ADGRL2: variants seen among roughly 807,000 people sequenced by gnomAD.
ADGRL2 encodes the protein adhesion G protein-coupled receptor L2.
In ADGRL2, 44 loss-of-function variants were observed where a neutral mutation model predicts 157.4. The ratio of observed to expected loss-of-function variants is 0.28; its 90% confidence interval spans 0.22 to 0.36. The LOEUF (loss-of-function observed/expected upper bound fraction) is 0.36. Ranked by LOEUF, ADGRL2 falls within the 10% of genes least tolerant of loss-of-function variation. The pLI, the probability that ADGRL2 is intolerant of heterozygous loss-of-function variation, is 1.00. For missense variants in ADGRL2, 1,510 were observed against 1,768.9 expected, an observed-to-expected ratio of 0.85 and a Z score of 2.63; for synonymous variants, 585 against 624.7, an observed-to-expected ratio of 0.94 and a Z score of 0.95.
chr1:81,790,832 T>G (rs991611799), intron 2 of ADGRL2, among the ~76,000 whole-genome samples: 1 of 151,978 alleles, frequency 6.6e-6, no homozygotes, highest in Middle Eastern at 3.2e-3. Flanking sequence ...CCATACAAAG[T>G]TGGGAGCCAT....
chr1:81,432,723 G>A (rs888565031), intron 1 of ADGRL2, among the ~76,000 whole-genome samples: 5 of 152,210 alleles, frequency 3.3e-5, no homozygotes, highest in Non-Finnish European at 7.4e-5. Flanking sequence ...TCAAGCTGTC[G>A]TTGGAACATC....
intron 1 of ADGRL2, among the ~76,000 whole-genome samples, chr1:81,409,224 A>G (rs1180142653): frequency 6.6e-6 from 1 of 152,202 alleles, no homozygotes; most frequent in Non-Finnish European, 1.5e-5. Context: ...TGCATCCGCT[A>G]CTAAAATATA....
intron 1 of ADGRL2, among the ~76,000 whole-genome samples, chr1:81,709,321 C>T (rs969633747): frequency 3.9e-5 from 6 of 152,094 alleles, no homozygotes; most frequent in African/African-American, 1.4e-4. Context: ...AGAGCTTTAG[C>T]TCTTGGGTAT....
At chr1:81,783,350 G>A (rs142330305) in intron 2 of ADGRL2, among the ~76,000 whole-genome samples, 2 of 151,614 alleles carry the variant, frequency 1.3e-5, no homozygotes, top group Admixed American at 6.6e-5. Flanking sequence ...TGCTGGTCTC[G>A]AACTCCTGAA....
intron 3 of ADGRL2, among the ~76,000 whole-genome samples, chr1:81,920,501 G>C (rs938538451): frequency 1.3e-5 from 2 of 152,042 alleles, no homozygotes; most frequent in East Asian, 3.9e-4. Flanking sequence ...GGGCTGAAGG[G>C]ATCTTAAACT....
chr1:81,821,886 T>A (rs2149869408), intron 1 of ADGRL2, among the ~76,000 whole-genome samples: 1 of 152,272 alleles, frequency 6.6e-6, no homozygotes, highest in South Asian at 2.1e-4. Context: ...GTAAAGTCCA[T>A]TAAGTTGCAA....
Position 81,992,902 on chromosome 1 carries a change from A to G in ADGRL2, c.*1757A>G, listed in dbSNP as rs182040477. Among the ~76,000 whole-genome samples the G allele has an allele frequency of 7.0e-3, 1,066 of 151,304 alleles. 5 individuals carry two copies. Among genetic ancestry groups the G allele is most frequent in the Non-Finnish European group, 0.01 (702 of 67,840 alleles). On this transcript the variant is annotated 3_prime_UTR_variant, in exon 24 of 24. Coordinates refer to ENST00000686636, the MANE Select transcript of ADGRL2 (RefSeq NM_001366006.2). Reference sequence around the variant, plus strand: ...GAAATAGATGTTTTCTGTTTGTATCATAAGCATTTATAGAAAATTATTCTA... The same window carrying G: ...GAAATAGATGTTTTCTGTTTGTATCGTAAGCATTTATAGAAAATTATTCTA...
intron 2 of ADGRL2, among the ~76,000 whole-genome samples, chr1:81,789,904 T>A (rs2087250333): frequency 6.6e-6 from 1 of 152,110 alleles, no homozygotes; most frequent in African/African-American, 2.4e-5. Context: ...TTGGAGGTAG[T>A]GTTCCAGGCT....
chr1:81,386,116 C>T (rs2076430683), intron 1 of ADGRL2, among the ~76,000 whole-genome samples: 1 of 151,866 alleles, frequency 6.6e-6, no homozygotes, highest in African/African-American at 2.4e-5. Context: ...TTTCTTTTTC[C>T]TGAAAAAAGT....
At chr1:81,514,095 A>T (rs187021755) in intron 2 of ADGRL2, 2 of 105,632 alleles carry the variant, frequency 1.9e-5, no homozygotes, top group Admixed American at 1.8e-4. Context: ...AAGTAAAAGC[A>T]GAAAGGTCCT....
chr1:81,792,959 G>T (rs2149424867), intron 2 of ADGRL2, among the ~76,000 whole-genome samples: 1 of 151,994 alleles, frequency 6.6e-6, no homozygotes, highest in South Asian at 2.1e-4. Flanking sequence ...CATTCTCTAG[G>T]CTTAAAATTT....
intron 1 of ADGRL2, among the ~76,000 whole-genome samples, chr1:81,364,725 A>G (rs1388753542): frequency 1.3e-5 from 2 of 151,014 alleles, no homozygotes; most frequent in African/African-American, 4.9e-5. Context: ...TTCGAGACAG[A>G]GTCTTGCTCT....
At chr1:81,853,459 G>A (rs1342128985) in intron 2 of ADGRL2, among the ~76,000 whole-genome samples, 1 of 152,106 alleles carries the variant, frequency 6.6e-6, no homozygotes, top group East Asian at 1.9e-4. Flanking sequence ...ACCCCCTAAT[G>A]TCCTGAGAAT....
At chr1:81,907,426 T>C (rs1557886790) in intron 3 of ADGRL2, among the ~76,000 whole-genome samples, 196 bp downstream of exon 3, 1 of 152,228 alleles carries the variant, frequency 6.6e-6, no homozygotes, top group Admixed American at 6.5e-5. Flanking sequence ...CATTCTAATA[T>C]AGCTTGACAT....
chr1:81,596,871 C>G (rs1420110246), intron 3 of ADGRL2, among the ~76,000 whole-genome samples: 1 of 152,096 alleles, frequency 6.6e-6, no homozygotes, highest in East Asian at 1.9e-4. Flanking sequence ...TGAGTGGACA[C>G]GGCTATGTAC....
chr1:81,671,333 G>A (rs2082871056), intron 3 of ADGRL2, among the ~76,000 whole-genome samples: 1 of 152,144 alleles, frequency 6.6e-6, no homozygotes, highest in African/African-American at 2.4e-5. Context: ...TAGATAATGA[G>A]GAGATTCATA....
At chr1:81,822,174 A>T (rs709694) in intron 1 of ADGRL2, among the ~76,000 whole-genome samples, 16,080 of 151,684 alleles carry the variant, frequency 0.11, 990 homozygotes, top group Admixed American at 0.18. Context: ...GAGAAAAAAA[A>T]ATATGATTTT....
intron 1 of ADGRL2, among the ~76,000 whole-genome samples, chr1:81,746,923 C>CACACGT (rs1557615284): frequency 6.9e-6 from 1 of 145,438 alleles, no homozygotes; most frequent in Non-Finnish European, 1.5e-5. Flanking sequence ...CACGTATATA[C>CACACGT]GTATATACAC....
At chr1:81,989,943 G>A in intron 23 of ADGRL2, 1 of 985,180 alleles carries the variant, frequency 1.0e-6, no homozygotes, top group Non-Finnish European at 1.2e-6. Context: ...GTTTTGTATT[G>A]TGACTTACTC....
Sources: allele counts gnomAD v4.1 joint callset (sites outside exome capture counted in the v4.1 genomes callset), GRCh38; gene constraint gnomAD v4.1.1; transcripts MANE v1.5; gene names NCBI Gene and HGNC (gene_info 2026-07-23, HGNC 2026-07-21).